PABPC4L: variants seen among roughly 807,000 people sequenced by gnomAD.
PABPC4L encodes poly(A) binding protein cytoplasmic 4 like, also known as polyadenylate-binding protein 4-like.
For synonymous variants in PABPC4L, 169 were observed against 164.1 expected (o/e 1.03, Z -0.23); for missense variants, 452 against 451.4 (o/e 1.00, Z -0.01).
At chr4:134,041,896 C>T in the PABPC4L span, among the ~76,000 whole-genome samples, 1 of 152,016 alleles carries the variant, frequency 6.6e-6, no homozygotes, top group Non-Finnish European at 1.5e-5. Context: ...AGTAGATCTA[C>T]CATTTGATCC....
chr4:133,974,045 A>C, the PABPC4L span, among the ~76,000 whole-genome samples: 2 of 152,180 alleles, frequency 1.3e-5, no homozygotes, highest in African/African-American at 4.8e-5. Flanking sequence ...GAAACCAGAA[A>C]GGCCAAATTA....
At chr4:134,128,602 A>T in the PABPC4L span, among the ~76,000 whole-genome samples, 1 of 152,162 alleles carries the variant, frequency 6.6e-6, no homozygotes, top group Non-Finnish European at 1.5e-5. Context: ...AGACAAAAAA[A>T]TGCTGAGGGA....
the PABPC4L span, among the ~76,000 whole-genome samples, chr4:134,061,337 A>G: frequency 3.3e-5 from 5 of 152,048 alleles, no homozygotes; most frequent in Admixed American, 1.3e-4. Flanking sequence ...GCTCAAAGAT[A>G]CACTCTTATA....
the PABPC4L span, among the ~76,000 whole-genome samples, chr4:133,952,294 G>A: frequency 1.3e-5 from 2 of 152,118 alleles, no homozygotes; most frequent in African/African-American, 4.8e-5. Flanking sequence ...CAAAGGCAAA[G>A]AGTGTCCTAA....
the PABPC4L span, among the ~76,000 whole-genome samples, chr4:134,087,284 C>G: frequency 2.0e-5 from 3 of 152,148 alleles, no homozygotes; most frequent in African/African-American, 7.2e-5. Context: ...TTTGTAGGGA[C>G]ATGGATGAAA....
chr4:134,074,645 C>A, the PABPC4L span, among the ~76,000 whole-genome samples: 1 of 152,120 alleles, frequency 6.6e-6, no homozygotes, highest in Non-Finnish European at 1.5e-5. Flanking sequence ...AAATACCCAA[C>A]ACTGGGTAAT....
the PABPC4L span, among the ~76,000 whole-genome samples, chr4:134,147,893 T>C: frequency 6.6e-6 from 1 of 152,192 alleles, no homozygotes; most frequent in African/African-American, 2.4e-5. Flanking sequence ...AAAGGATGCA[T>C]TACAATCGGC....
At chr4:134,089,563 T>C in the PABPC4L span, among the ~76,000 whole-genome samples, 1 of 152,174 alleles carries the variant, frequency 6.6e-6, no homozygotes, top group Non-Finnish European at 1.5e-5. Context: ...TGTTAATGTC[T>C]TACTGTGCCT....
At chr4:134,184,952 G>T in the PABPC4L span, among the ~76,000 whole-genome samples, 1 of 152,030 alleles carries the variant, frequency 6.6e-6, no homozygotes, top group African/African-American at 2.4e-5. Context: ...CTGTTCATAT[G>T]CTTATTCACC....
chr4:134,041,829 A>G, the PABPC4L span, among the ~76,000 whole-genome samples: 444 of 152,278 alleles, frequency 2.9e-3, 3 homozygotes, highest in African/African-American at 0.01. Context: ...GCTGGTGATA[A>G]TGTAAATGAA....
chr4:134,065,820 T>C, the PABPC4L span, among the ~76,000 whole-genome samples: 1 of 152,266 alleles, frequency 6.6e-6, no homozygotes, highest in Non-Finnish European at 1.5e-5. Context: ...GGATCCGGTT[T>C]TAATCTTTTG....
Position 134,196,448 on chromosome 4 carries a change from A to G in PABPC4L, c.*3459T>C, listed in dbSNP as rs1729658483. On this transcript the variant is annotated 3_prime_UTR_variant, in exon 2 of 2. Coordinates refer to ENST00000421491, the MANE Select transcript of PABPC4L (RefSeq NM_001114734.2). ...TTTAAAATTTTTATTTTTACCAACT[A>G]TAAATTCCTATTTGAAATTTAAAAG... 1 of 151,790 alleles carries G rather than the reference A, an allele frequency of 6.6e-6. No homozygotes were observed. Among genetic ancestry groups the G allele is most frequent in the Non-Finnish European group, 1.5e-5 (1 of 67,704 alleles). 9.4% of individuals were successfully genotyped at this position (151,790 alleles called of 1,614,324 possible).
chr4:134,087,578 G>T, the PABPC4L span, among the ~76,000 whole-genome samples: 3 of 152,144 alleles, frequency 2.0e-5, no homozygotes, highest in African/African-American at 7.2e-5. Context: ...AGTCTCTGGA[G>T]GGAGTCACAG....
At chr4:134,176,067 C>A in the PABPC4L span, among the ~76,000 whole-genome samples, 1 of 152,080 alleles carries the variant, frequency 6.6e-6, no homozygotes. Context: ...GAATCTTCAG[C>A]TAATCTCATG....
downstream of PABPC4L, among the ~76,000 whole-genome samples, chr4:134,193,270 C>T (rs1729563621): frequency 6.6e-6 from 1 of 151,746 alleles, no homozygotes; most frequent in Non-Finnish European, 1.5e-5. Context: ...TGCAACAGAG[C>T]TTCTTTCAAA....
At chr4:134,074,536 C>A in the PABPC4L span, among the ~76,000 whole-genome samples, 1 of 152,128 alleles carries the variant, frequency 6.6e-6, no homozygotes, top group Non-Finnish European at 1.5e-5. Context: ...TGCCTGTTAC[C>A]CAGTTCCAAA....
chr4:134,170,587 T>C, the PABPC4L span, among the ~76,000 whole-genome samples: 691 of 152,062 alleles, frequency 4.5e-3, 9 homozygotes, highest in African/African-American at 0.016. Context: ...GTGCCTCACA[T>C]GGTGGAAACA....
the PABPC4L span, among the ~76,000 whole-genome samples, chr4:134,138,787 C>T: frequency 6.6e-6 from 1 of 151,460 alleles, no homozygotes; most frequent in Admixed American, 6.6e-5. Flanking sequence ...GTCCTCTTGC[C>T]CTTTGAAGAG....
the PABPC4L span, among the ~76,000 whole-genome samples, chr4:134,175,173 A>T: frequency 6.6e-6 from 1 of 152,188 alleles, no homozygotes; most frequent in African/African-American, 2.4e-5. Context: ...GACAAAATAT[A>T]AGTACCCGCG....
Sources: allele counts gnomAD v4.1 joint callset (sites outside exome capture counted in the v4.1 genomes callset), GRCh38; gene constraint gnomAD v4.1.1; transcripts MANE v1.5; gene names NCBI Gene and HGNC (gene_info 2026-07-23, HGNC 2026-07-21).